SLC24A2: variants seen among roughly 807,000 people sequenced by gnomAD.
SLC24A2 encodes the protein sodium/potassium/calcium exchanger 2.
In SLC24A2, 36 loss-of-function variants were observed where a neutral mutation model predicts 62.0. The ratio of observed to expected loss-of-function variants is 0.58; its 90% CI spans 0.44 to 0.77. The LOEUF (loss-of-function observed/expected upper bound fraction) is 0.77. SLC24A2 is among the 30% of genes least tolerant of loss of function. SLC24A2 has a pLI of 0.00. For synonymous variants in SLC24A2, 358 were observed against 294.0 expected (o/e 1.22, Z -2.23); for missense variants, 846 against 817.9 (o/e 1.03, Z -0.42).
chr9:19,579,010 T>C (rs1305064998), intron 5 of SLC24A2, among the ~76,000 whole-genome samples: 1 of 152,136 alleles, frequency 6.6e-6, no homozygotes, highest in East Asian at 1.9e-4. Flanking sequence ...GGTGTGTGGC[T>C]TGGGCTTCCT....
At position 19,785,994 on chromosome 9, in the gene SLC24A2, C is replaced by A; in HGVS notation, c.873G>T (p.Lys291Asn). 1 of 1,614,168 alleles carries A rather than the reference C, an allele frequency of 6.2e-7. No individual in the cohort carries two copies. Among genetic ancestry groups the A allele is most frequent in the Non-Finnish European group, 8.5e-7 (1 of 1,179,972 alleles). The change falls in exon 2 of 11, where the codon AAG becomes AAT. Residue 291 changes from lysine (K) to asparagine (N), a missense_variant. Lys to Asn is a moderately conservative substitution (Grantham distance 94). Transcript: ENST00000341998. Reference protein sequence around the residue: ...KFNVQVEKWVKQMINRNKVVK... With the variant: ...KFNVQVEKWVNQMINRNKVVK... ...CGACCTTATTGCGGTTTATCATTTG[C>A]TTCACCCATTTTTCTACTTGGACGT...
rs1056529352 is a variant in SLC24A2, at chr9:19,517,923, A to C, written c.1737-1521T>G. 3.6e-5 allele frequency among the ~76,000 whole-genome samples: 5 copies of C among 137,134 alleles called. No individual in the cohort carries two copies. The East Asian group carries it at 1.1e-3, about 30-fold the overall frequency. The allele number at this position is 137,134 out of a possible 152,430, so 90.0% of individuals were successfully genotyped here. A position where few individuals can be genotyped will look rare whatever the true frequency, so the allele number is the denominator to read the frequency against. The stretch of plus-strand genomic sequence containing the variant: ...TATTCTTATTAAAACACACACACAC[A>C]CACACACACACACACACACACACAC... On this transcript the variant is annotated intron_variant, in intron 10 of 10. Coordinates refer to ENST00000341998, the MANE Select transcript of SLC24A2 (RefSeq NM_020344.4).
At chr9:19,882,990 T>A in the SLC24A2 span, among the ~76,000 whole-genome samples, 7 of 152,290 alleles carry the variant, frequency 4.6e-5, no homozygotes, top group East Asian at 1.4e-3. Context: ...TTAGCAGAAA[T>A]CCCAAATACG....
intron 2 of SLC24A2, among the ~76,000 whole-genome samples, chr9:19,673,534 T>C (rs1172401069): frequency 2.0e-5 from 3 of 152,130 alleles, no homozygotes; most frequent in Non-Finnish European, 4.4e-5. Flanking sequence ...CTGCAACCTC[T>C]GCCTCCCAGG....
At chr9:20,220,991 C>G in the SLC24A2 span, among the ~76,000 whole-genome samples, 1 of 152,112 alleles carries the variant, frequency 6.6e-6, no homozygotes, top group Non-Finnish European at 1.5e-5. Context: ...TGACACTGTT[C>G]TAGGTGCTTA....
At position 19,515,686 on chromosome 9, in the gene SLC24A2, A is replaced by C. The variant is rs1589114376; in HGVS notation, c.*467T>G. 6.6e-6 allele frequency: 1 copy of C among 151,728 alleles called. No individual in the cohort carries two copies. The highest frequency in any genetic ancestry group is 1.9e-4 in the East Asian group (1 of 5,194). 9.4% of individuals were successfully genotyped at this position (151,728 alleles called of 1,614,324 possible). A position where few individuals can be genotyped will look rare whatever the true frequency, so the allele number is the denominator to read the frequency against. ...AAGATGCATTTGTACTTTTATATAT[A>C]TCTGATTTTATATATATATATATAA... On this transcript the variant is annotated 3_prime_UTR_variant, in exon 11 of 11. Coordinates refer to ENST00000341998, the MANE Select transcript of SLC24A2 (RefSeq NM_020344.4).
chr9:19,642,916 G>A (rs566983752), intron 2 of SLC24A2, among the ~76,000 whole-genome samples: 1 of 149,678 alleles, frequency 6.7e-6, no homozygotes, highest in African/African-American at 2.5e-5. Context: ...TCCTGACCTC[G>A]TGATCTGCCC....
At chr9:20,002,536 T>G in the SLC24A2 span, among the ~76,000 whole-genome samples, 1 of 152,132 alleles carries the variant, frequency 6.6e-6, no homozygotes, top group Non-Finnish European at 1.5e-5. Context: ...ACCCATTTTG[T>G]AGATGAGTAA....
the SLC24A2 span, among the ~76,000 whole-genome samples, chr9:20,215,290 C>T: frequency 2.7e-3 from 410 of 152,252 alleles, 2 homozygotes; most frequent in African/African-American, 9.2e-3. Context: ...ATTCAAATAC[C>T]ATCACCCTGG....
the SLC24A2 span, among the ~76,000 whole-genome samples, chr9:20,014,416 T>G: frequency 6.6e-6 from 1 of 151,650 alleles, no homozygotes; most frequent in Non-Finnish European, 1.5e-5. Context: ...GTTGAAGGGA[T>G]GTCTGCACTC....
chr9:19,568,777 G>C (rs570129602), intron 7 of SLC24A2, among the ~76,000 whole-genome samples: 1 of 152,180 alleles, frequency 6.6e-6, no homozygotes, highest in East Asian at 1.9e-4. Context: ...TTTTGGAAAA[G>C]GTAATGCAAT....
the SLC24A2 span, among the ~76,000 whole-genome samples, chr9:19,944,281 C>G: frequency 6.6e-6 from 1 of 152,082 alleles, no homozygotes; most frequent in African/African-American, 2.4e-5. Context: ...GTCTCAAAAA[C>G]GGCAAAATCA....
At chr9:19,909,795 A>G in the SLC24A2 span, among the ~76,000 whole-genome samples, 2 of 152,096 alleles carry the variant, frequency 1.3e-5, no homozygotes, top group Non-Finnish European at 2.9e-5. Flanking sequence ...AATTGCTTTC[A>G]GCTCAAAAAA....
chr9:20,250,694 A>G, the SLC24A2 span, among the ~76,000 whole-genome samples: 2 of 152,200 alleles, frequency 1.3e-5, no homozygotes, highest in African/African-American at 4.8e-5. Flanking sequence ...ACGTTTTACT[A>G]TGTTGAAGTG....
At chr9:20,009,473 A>G in the SLC24A2 span, among the ~76,000 whole-genome samples, 1 of 152,010 alleles carries the variant, frequency 6.6e-6, no homozygotes, top group Non-Finnish European at 1.5e-5. Flanking sequence ...ACTTTGGCCA[A>G]TGGAGCAATG....
At chr9:20,283,022 C>G in the SLC24A2 span, among the ~76,000 whole-genome samples, 1 of 152,196 alleles carries the variant, frequency 6.6e-6, no homozygotes, top group Non-Finnish European at 1.5e-5. Flanking sequence ...TCAAATCCTC[C>G]TCTTCCCTTC....
At chr9:19,975,858 A>G in the SLC24A2 span, among the ~76,000 whole-genome samples, 1 of 152,026 alleles carries the variant, frequency 6.6e-6, no homozygotes, top group Non-Finnish European at 1.5e-5. Flanking sequence ...CAGATTGAAA[A>G]TATTTAGAAA....
the SLC24A2 span, among the ~76,000 whole-genome samples, chr9:20,171,202 A>G: frequency 6.6e-6 from 1 of 152,044 alleles, no homozygotes; most frequent in Non-Finnish European, 1.5e-5. Flanking sequence ...CAGCACTACA[A>G]GAACTGCTAA....
At chr9:19,573,622 CAG>C (rs890293340) in intron 6 of SLC24A2, among the ~76,000 whole-genome samples, 153 bp from the exon 7 acceptor site, 1 of 151,794 alleles carries the variant, frequency 6.6e-6, no homozygotes, top group African/African-American at 2.4e-5. Context: ...TGGGCTAAAG[CAG>C]AGGATAGTGG....
Sources: gnomAD v4.1 joint callset for allele counts (sites outside exome capture counted in the v4.1 genomes callset) on GRCh38, gnomAD v4.1.1 for gene constraint, MANE v1.5 for transcripts, NCBI Gene and HGNC (gene_info 2026-07-23, HGNC 2026-07-21) for gene names.